Variants in AP1B1 observed in about 807,000 individuals in gnomAD.
AP1B1 encodes adaptor related protein complex 1 subunit beta 1, also known as AP-1 complex subunit beta-1.
AP1B1 carries 36 observed loss-of-function variants against 104.3 expected under a neutral mutation model. The observed-to-expected ratio is 0.35, with a 90% CI of 0.26 to 0.46. The LOEUF is 0.46. AP1B1 is among the 20% of genes least tolerant of loss of function. The probability of loss-of-function intolerance (pLI) is 1.00; values close to 1 mark genes in which losing one functional copy is unlikely to be tolerated. For missense variants in AP1B1, 901 were observed against 1,247.9 expected (o/e 0.72, Z 4.19); for synonymous variants, 504 against 517.5 (o/e 0.97, Z 0.35).
intron 16 of AP1B1, among the ~76,000 whole-genome samples, chr22:29,336,828 A>G (rs1250214398): frequency 6.6e-6 from 1 of 150,762 alleles, no homozygotes; most frequent in African/African-American, 2.4e-5. Context: ...AAAAAAGATG[A>G]ACACACAAGC....
At chr22:29,369,543 T>C (rs1402931832) in intron 1 of AP1B1, among the ~76,000 whole-genome samples, 3 of 152,214 alleles carry the variant, frequency 2.0e-5, no homozygotes, top group African/African-American at 4.8e-5. Flanking sequence ...GCGTCTGATG[T>C]TGCAAGTCCC....
At position 29,381,662 on chromosome 22, in the gene AP1B1, A is replaced by C. The variant is rs752111209; in HGVS notation, c.-28+6762T>G. 4.6e-5 allele frequency among the ~76,000 whole-genome samples: 7 copies of C among 152,332 alleles called. No individual in the cohort carries two copies. The South Asian group carries it at 1.5e-3, about 32-fold the overall frequency. The stretch of plus-strand genomic sequence containing the variant: ...ATGGAAGTTAAGTGAATAAATTATG[A>C]GAGAGAGAAGAAATGGCAAGGGTAG... On this transcript the variant is annotated intron_variant, in intron 1 of 22. Transcript: ENST00000357586.
At chr22:29,374,415 T>C (rs936283631) in intron 1 of AP1B1, among the ~76,000 whole-genome samples, 1 of 152,168 alleles carries the variant, frequency 6.6e-6, no homozygotes, top group African/African-American at 2.4e-5. Flanking sequence ...ACATACTCAC[T>C]AACATTTGCA....
In AP1B1 at chr22:29,351,197, T is replaced by C. The variant is rs1406803342; in HGVS notation, c.1129A>G (p.Ile377Val). The C allele has an allele frequency of 5.0e-6, 8 of 1,613,574 alleles. No individual in the cohort carries two copies. Among genetic ancestry groups the C allele is most frequent in the East Asian group, 4.5e-5 (2 of 44,854 alleles). The change falls in exon 9 of 23, where the codon ATT becomes GTT. Residue 377 changes from isoleucine to valine, a missense_variant. Ile to Val is a conservative substitution (Grantham distance 29). Coordinates refer to ENST00000357586, the MANE Select transcript of AP1B1 (RefSeq NM_001127.4). The stretch of plus-strand genomic sequence containing the variant: ...TCCACCTTGATGGCGCAGCGGCCAA[T>C]AGCACGCACAGCCTTCCGTACAAAG... ...VDFVRKAVRA[I>V]GRCAIKVEQS...
intron 7 of AP1B1, among the ~76,000 whole-genome samples, chr22:29,353,922 G>A (rs2061915137): frequency 6.6e-6 from 1 of 152,180 alleles, no homozygotes. Context: ...CAGAGCTGCA[G>A]GGCTCTGCCA....
chr22:29,341,416 A>G (rs2061712453), intron 13 of AP1B1, 85 bp downstream of exon 13: 3 of 1,519,244 alleles, frequency 2.0e-6, no homozygotes, highest in Admixed American at 3.8e-5. Flanking sequence ...TTGCTGGGGG[A>G]CAACACGCCA....
intron 2 of AP1B1, among the ~76,000 whole-genome samples, chr22:29,366,493 G>A (rs547587497): frequency 2.4e-4 from 36 of 152,068 alleles, no homozygotes; most frequent in South Asian, 4.2e-4. Flanking sequence ...AAAATTAGCC[G>A]GGCATGGTGG....
rs2061512486 is a variant in AP1B1, at chr22:29,328,746, G to A, written c.*75C>T. ...AGCCCCGCCTGGTCCCTCCTGCGAG[G>A]AGGAAGATGTGCTGCCCCCGAGGGG... On this transcript the variant is annotated 3_prime_UTR_variant, in exon 23 of 23. Transcript: ENST00000357586. The surrounding 1 kb of genome is among the most constrained non-coding windows in gnomAD (Gnocchi z 4.1). 1 of 1,534,126 alleles carries A rather than the reference G, an allele frequency of 6.5e-7. No homozygotes were observed. The highest frequency in any genetic ancestry group is 8.8e-7 in the Non-Finnish European group (1 of 1,136,706).
chr22:29,330,854 TCCCTAAGCACA>T, intron 19 of AP1B1, 145 bp from the exon 20 acceptor site: 2 of 698,388 alleles, frequency 2.9e-6, no homozygotes, highest in Non-Finnish European at 4.8e-6. Flanking sequence ...CCCTCCTGCT[TCCCTAAGCACA>T]CCCTCCGCTC....
chr22:29,366,839 C>CACAT (rs1441688168), intron 2 of AP1B1, among the ~76,000 whole-genome samples: 1 of 109,264 alleles, frequency 9.2e-6, no homozygotes, highest in East Asian at 2.3e-4. Context: ...TAAGGACACA[C>CACAT]ACACACACAC....
chr22:29,344,015 C>T (rs756364293), intron 11 of AP1B1, among the ~76,000 whole-genome samples: 122 of 150,974 alleles, frequency 8.1e-4, no homozygotes, highest in Non-Finnish European at 1.5e-3. Flanking sequence ...GAGGCTGAGG[C>T]AGGACAATTG....
intron 11 of AP1B1, among the ~76,000 whole-genome samples, chr22:29,344,847 A>G (rs2061768176): frequency 6.6e-6 from 1 of 151,940 alleles, no homozygotes; most frequent in Non-Finnish European, 1.5e-5. Context: ...GTCCATGGCT[A>G]GAGAGGCCTA....
At chr22:29,387,735 G>A (rs1472144660) in intron 1 of AP1B1, among the ~76,000 whole-genome samples, 2 of 152,196 alleles carry the variant, frequency 1.3e-5, no homozygotes, top group Non-Finnish European at 2.9e-5. Context: ...CCTTACATGT[G>A]GGATTTAACC....
intron 3 of AP1B1, among the ~76,000 whole-genome samples, chr22:29,361,092 A>G (rs2062038432): frequency 6.6e-6 from 1 of 152,228 alleles, no homozygotes. Flanking sequence ...TGGAAGAACA[A>G]AGATGTTTCT....
chr22:29,347,669 G>A (rs1221571597), intron 11 of AP1B1, among the ~76,000 whole-genome samples: 2 of 152,198 alleles, frequency 1.3e-5, no homozygotes, highest in African/African-American at 4.8e-5. Context: ...TAACAGAAAT[G>A]CAAACAGAAC....
intron 16 of AP1B1, among the ~76,000 whole-genome samples, chr22:29,336,479 A>C (rs1459945674): frequency 6.6e-6 from 1 of 152,134 alleles, no homozygotes; most frequent in Non-Finnish European, 1.5e-5. Flanking sequence ...CTGACCCTTC[A>C]CGAAGACAAA....
At chr22:29,344,457 C>G (rs2061759390) in intron 11 of AP1B1, among the ~76,000 whole-genome samples, 4 of 150,808 alleles carry the variant, frequency 2.7e-5, no homozygotes. Flanking sequence ...GCCATCCAGA[C>G]AGGATGGGAT....
chr22:29,351,852 AGC>A (rs1431107924), intron 7 of AP1B1, 27 bp from the exon 8 acceptor site: 1 of 1,613,330 alleles, frequency 6.2e-7, no homozygotes, highest in Admixed American at 1.7e-5. Flanking sequence ...ATGCCCGGAG[AGC>A]AAAAAACAAG....
chr22:29,377,866 T>G (rs929165820), intron 1 of AP1B1, among the ~76,000 whole-genome samples: 14 of 151,650 alleles, frequency 9.2e-5, no homozygotes, highest in Non-Finnish European at 1.8e-4. Flanking sequence ...TTTAATATTA[T>G]CACAAGTTTA....
Sources: gnomAD v4.1 joint callset for allele counts (sites outside exome capture counted in the v4.1 genomes callset) on GRCh38, gnomAD v4.1.1 for gene constraint, Gnocchi (gnomAD v3.1) non-coding constraint, MANE v1.5 for transcripts, NCBI Gene and HGNC (gene_info 2026-07-23, HGNC 2026-07-21) for gene names.